DNAH8: variants seen among roughly 807,000 people sequenced by gnomAD.
DNAH8 encodes the protein dynein axonemal heavy chain 8.
In DNAH8, 382 loss-of-function variants were observed where a neutral mutation model predicts 562.1. That is an observed-to-expected ratio of 0.68 (90% CI 0.63 to 0.74). The LOEUF is 0.74. Among genes scored for constraint, DNAH8 ranks in the 30% least tolerant of loss-of-function variants. The probability of loss-of-function intolerance (pLI) is 0.00; values close to 1 mark genes in which losing one functional copy is unlikely to be tolerated. For missense variants in DNAH8, 5,203 were observed against 5,620.4 expected, an observed-to-expected ratio of 0.93 and a Z score of 2.37; for synonymous variants, 1,881 against 1,919.4, an observed-to-expected ratio of 0.98 and a Z score of 0.52.
intron 42 of DNAH8, among the ~76,000 whole-genome samples, chr6:38,859,593 C>G (rs921750055): frequency 2.8e-4 from 42 of 152,294 alleles, no homozygotes; most frequent in African/African-American, 9.6e-4. Context: ...ATGGGCAGGA[C>G]TGGTGTTTCA....
At chr6:38,989,853 A>G (rs1000315330) in intron 87 of DNAH8, among the ~76,000 whole-genome samples, 159 bp from the exon 88 acceptor site, 3 of 152,182 alleles carry the variant, frequency 2.0e-5, no homozygotes, top group African/African-American at 7.2e-5. Flanking sequence ...TTCTCCATAT[A>G]TGTGGTAATT....
intron 58 of DNAH8, among the ~76,000 whole-genome samples, chr6:38,891,329 A>G: frequency 6.6e-6 from 1 of 152,266 alleles, no homozygotes; most frequent in East Asian, 1.9e-4. Context: ...AGTACTCATG[A>G]AAAGGCAATT....
Position 38,957,957 on chromosome 6 carries a change from T to C in DNAH8, c.12451+6437T>C, listed in dbSNP as rs556063542. Among the ~76,000 whole-genome samples, 14 of 150,458 alleles carry C rather than the reference T, an allele frequency of 9.3e-5. 1 individual carries two copies. In the South Asian group the frequency reaches 1.9e-3, roughly 20 times the overall value. ...GACAAGAACAAATTCAACTCAAAAT[T>C]TGAAGGAAAGAAATAATAAAGATCA... On this transcript the variant is annotated intron_variant, in intron 82 of 92. Transcript: ENST00000327475.
intron 21 of DNAH8, among the ~76,000 whole-genome samples, chr6:38,802,332 C>T (rs1770856915): frequency 1.3e-5 from 2 of 151,880 alleles, no homozygotes; most frequent in South Asian, 4.2e-4. Flanking sequence ...CAGCCTTGAA[C>T]TCCTGGGCAT....
At position 38,938,296 on chromosome 6, in the gene DNAH8, A is replaced by G. The variant is rs2073037; in HGVS notation, c.11816+70A>G. On this transcript the variant is annotated intron_variant, in intron 78 of 92. Transcript: ENST00000327475. Reference sequence around the variant, plus strand: ...TGCTTGTATTTCTACTCTTTTAGAAATTGCTTTTTCACTATTCACAATAGC... The same window carrying G: ...TGCTTGTATTTCTACTCTTTTAGAAGTTGCTTTTTCACTATTCACAATAGC... 779,239 of 1,528,736 alleles carry G rather than the reference A, an allele frequency of 0.51. 202,245 individuals are homozygous for G. Among genetic ancestry groups the G allele is most frequent in the Non-Finnish European group, 0.54 (613,706 of 1,141,140 alleles). 94.7% of individuals were successfully genotyped at this position (1,528,736 alleles called of 1,614,324 possible). A position where few individuals can be genotyped will look rare whatever the true frequency, so the allele number is the denominator to read the frequency against.
At chr6:38,799,674 T>C (rs12211963) in intron 21 of DNAH8, among the ~76,000 whole-genome samples, 52,393 of 152,046 alleles carry the variant, frequency 0.34, 9,569 homozygotes, top group Admixed American at 0.42. Context: ...TCAGTATATT[T>C]ACAGAGTTGC....
At chr6:38,850,492 AT>A in intron 38 of DNAH8, 78 bp downstream of exon 38, 1 of 1,353,228 alleles carries the variant, frequency 7.4e-7, no homozygotes, top group Non-Finnish European at 1.0e-6. Flanking sequence ...TATTGACTAC[AT>A]TTCTGGTTTG....
intron 18 of DNAH8, 73 bp from the exon 19 acceptor site, chr6:38,789,730 C>A: frequency 8.6e-7 from 1 of 1,165,474 alleles, no homozygotes; most frequent in Middle Eastern, 2.0e-4. Context: ...TGAAACCTTC[C>A]TGGAATGAAT....
intron 80 of DNAH8, 44 bp downstream of exon 80, chr6:38,945,632 C>G (rs1451086434): frequency 6.2e-7 from 1 of 1,610,922 alleles, no homozygotes; most frequent in African/African-American, 1.3e-5. Flanking sequence ...TCTGCAAACC[C>G]AAACATACCT....
intron 14 of DNAH8, among the ~76,000 whole-genome samples, chr6:38,778,826 T>C (rs75824448): frequency 0.022 from 3,324 of 152,316 alleles, 108 homozygotes; most frequent in African/African-American, 0.073. Context: ...AGTGAGATTA[T>C]CTAAGAATAA....
Position 38,977,819 on chromosome 6 carries a change from T to C in DNAH8, c.12834+3290T>C, listed in dbSNP as rs535494640. On this transcript the variant is annotated intron_variant, in intron 85 of 92. Coordinates refer to ENST00000327475, the MANE Select transcript of DNAH8 (RefSeq NM_001206927.2). ...TCTTTGAGGTGTGTATTGGACCGAGTAAATGTCTTAAGTGGTCTTCTCAGC... is the reference window on the plus strand; with the variant it reads ...TCTTTGAGGTGTGTATTGGACCGAGCAAATGTCTTAAGTGGTCTTCTCAGC... Among the ~76,000 whole-genome samples, 4 of 152,324 alleles carry C rather than the reference T, an allele frequency of 2.6e-5. No homozygotes were observed. In the South Asian group the frequency reaches 8.3e-4, roughly 32 times the overall value.
chr6:38,903,928 A>G (rs999721166), intron 62 of DNAH8, among the ~76,000 whole-genome samples: 1 of 152,140 alleles, frequency 6.6e-6, no homozygotes, highest in Admixed American at 6.5e-5. Flanking sequence ...AATATTTTCT[A>G]AGGATGCATT....
intron 21 of DNAH8, among the ~76,000 whole-genome samples, chr6:38,800,298 A>G (rs750678800): frequency 5.9e-5 from 9 of 151,654 alleles, no homozygotes; most frequent in Non-Finnish European, 1.2e-4. Flanking sequence ...ACTCCATGTT[A>G]TACTCTTTGA....
chr6:38,877,709 T>A (rs1005058280), intron 53 of DNAH8, among the ~76,000 whole-genome samples: 1 of 152,222 alleles, frequency 6.6e-6, no homozygotes, highest in Admixed American at 6.5e-5. Flanking sequence ...TTATGGACAT[T>A]AACATCTTTG....
At chr6:38,819,945 T>C (rs557643359) in intron 26 of DNAH8, among the ~76,000 whole-genome samples, 70 of 152,314 alleles carry the variant, frequency 4.6e-4, no homozygotes, top group African/African-American at 1.6e-3. Flanking sequence ...AAAATATTAC[T>C]GAATGAGATA....
At chr6:38,951,081 CTG>C (rs533074754) in intron 81 of DNAH8, among the ~76,000 whole-genome samples, 17 of 152,158 alleles carry the variant, frequency 1.1e-4, no homozygotes, top group Non-Finnish European at 2.2e-4. Context: ...GTAGAGGACA[CTG>C]TGTTGTTATG....
chr6:38,759,677 C>G (rs7756407), intron 10 of DNAH8, among the ~76,000 whole-genome samples: 41,190 of 151,976 alleles, frequency 0.27, 6,324 homozygotes, highest in East Asian at 0.37. Context: ...AAGAACCCCC[C>G]ATTCTTGATA....
At chr6:38,743,317 A>G (rs1394260798) in intron 8 of DNAH8, among the ~76,000 whole-genome samples, 1 of 152,146 alleles carries the variant, frequency 6.6e-6, no homozygotes, top group African/African-American at 2.4e-5. Flanking sequence ...ATGTTAATGT[A>G]GCATATTAGG....
chr6:38,883,241 AAG>A, intron 54 of DNAH8, 79 bp from the exon 55 acceptor site: 1 of 1,447,492 alleles, frequency 6.9e-7, no homozygotes, highest in Non-Finnish European at 9.2e-7. Context: ...TAATTTATAG[AAG>A]ACTAGCCCAT....
Sources: allele counts gnomAD v4.1 joint callset (sites outside exome capture counted in the v4.1 genomes callset), GRCh38; gene constraint gnomAD v4.1.1; transcripts MANE v1.5; gene names NCBI Gene and HGNC (gene_info 2026-07-23, HGNC 2026-07-21).